CTH: variants seen among roughly 807,000 people sequenced by gnomAD.
The protein encoded by CTH is cystathionase (cystathionine gamma-lyase).
Under a neutral mutation model 50.6 loss-of-function variants are expected in CTH, and 41 were observed. The ratio of observed to expected loss-of-function variants is 0.81; its 90% confidence interval spans 0.63 to 1.05. The LOEUF (loss-of-function observed/expected upper bound fraction) is 1.05, where lower values mean the gene tolerates loss of function less well. CTH is among the 50% of genes least tolerant of loss of function. The probability of loss-of-function intolerance (pLI) is 0.00; values close to 1 mark genes in which losing one functional copy is unlikely to be tolerated. For synonymous variants in CTH, 156 were observed against 168.9 expected (o/e 0.92, Z 0.59); for missense variants, 470 against 492.6 (o/e 0.95, Z 0.43).
At chr1:70,415,485 T>C (rs1684070670) in intron 1 of CTH, among the ~76,000 whole-genome samples, 1 of 152,210 alleles carries the variant, frequency 6.6e-6, no homozygotes, top group Admixed American at 6.5e-5. Flanking sequence ...TTCTGTTGGC[T>C]CATGCAAGTC....
intron 1 of CTH, among the ~76,000 whole-genome samples, chr1:70,415,013 C>T (rs1204077203): frequency 6.6e-6 from 1 of 152,074 alleles, no homozygotes. Context: ...CCAGGAATTG[C>T]TCCCTATGCT....
chr1:70,412,780 T>G (rs1400857346), intron 1 of CTH, among the ~76,000 whole-genome samples: 1 of 152,188 alleles, frequency 6.6e-6, no homozygotes, highest in Non-Finnish European at 1.5e-5. Flanking sequence ...TGAGATGTAT[T>G]TAAGGCTGTA....
chr1:70,419,113 T>C (rs1161861953), intron 3 of CTH, among the ~76,000 whole-genome samples: 1 of 151,918 alleles, frequency 6.6e-6, no homozygotes, highest in Non-Finnish European at 1.5e-5. Context: ...CTGAGAATGA[T>C]AGTTTCCAGC....
intron 7 of CTH, among the ~76,000 whole-genome samples, chr1:70,431,756 G>T (rs530046977): frequency 1.3e-5 from 2 of 152,216 alleles, no homozygotes; most frequent in East Asian, 3.9e-4. Context: ...ATTTTTCAAA[G>T]AAATACAAGG....
At chr1:70,428,430 G>A (rs1216559470) in intron 5 of CTH, among the ~76,000 whole-genome samples, 2 of 152,090 alleles carry the variant, frequency 1.3e-5, no homozygotes, top group Non-Finnish European at 2.9e-5. Flanking sequence ...TTGAGATGAT[G>A]GGCATGCTAA....
rs1179719115 is a variant in CTH at position 70,439,131 on chromosome 1, T to A, written c.*4T>A. ...TCCAAGTGGAAGTCACAGCTAGTAT[T>A]CCAGAGCTGCTATTAGAAGCTGCTT... On this transcript the variant is annotated 3_prime_UTR_variant, in exon 12 of 12. Transcript: ENST00000370938. 2 of 1,611,100 alleles carry A rather than the reference T, an allele frequency of 1.2e-6. No individual in the cohort carries two copies. Among genetic ancestry groups the A allele is most frequent in the Admixed American group, 3.3e-5 (2 of 59,984 alleles).
chr1:70,421,744 T>G (rs746377975), intron 4 of CTH, 69 bp downstream of exon 4: 1 of 1,456,384 alleles, frequency 6.9e-7, no homozygotes, highest in Non-Finnish European at 9.6e-7. Context: ...TTCTGTTTAC[T>G]AGAGGATATA....
Position 70,429,684 on chromosome 1 carries a change from A to G in CTH, c.589-110A>G, listed in dbSNP as rs1263264080. The G allele has an allele frequency of 1.1e-5, 9 of 785,878 alleles. No individual in the cohort carries two copies. In the East Asian group the frequency reaches 2.1e-4, roughly 18 times the overall value. 48.7% of individuals were successfully genotyped at this position (785,878 alleles called of 1,614,324 possible). On this transcript the variant is annotated intron_variant, in intron 5 of 11. Transcript: ENST00000370938. ...AATTTTAAGATGCACATACTTTTGC[A>G]AAGTTAGTATTGATTAGAATAAGAA...
In CTH at chr1:70,433,912, C is replaced by G; in HGVS notation, c.962C>G (p.Thr321Ser). The change falls in exon 9 of 12, where the codon ACT (threonine) becomes AGT (serine). Residue 321 changes from threonine to serine, a missense_variant. By Grantham distance (58) the Thr-to-Ser change is moderately conservative. Coordinates refer to ENST00000370938, the MANE Select transcript of CTH (RefSeq NM_001902.6). ...TGMVTFYIKGTLQHAEIFLKN... is the reference protein window; with the variant it reads ...TGMVTFYIKGSLQHAEIFLKN... ...ATGGTCACCTTTTATATTAAGGGCACTCTTCAGCATGCTGAGATTTTCCTC... is the reference window on the plus strand; with the variant it reads ...ATGGTCACCTTTTATATTAAGGGCAGTCTTCAGCATGCTGAGATTTTCCTC... 1 of 1,614,100 alleles carries G rather than the reference C, an allele frequency of 6.2e-7. No individual in the cohort carries two copies. The highest frequency in any genetic ancestry group is 8.5e-7 in the Non-Finnish European group (1 of 1,179,982).
chr1:70,430,637 G>T (rs1355719331), intron 7 of CTH, among the ~76,000 whole-genome samples: 1 of 151,716 alleles, frequency 6.6e-6, no homozygotes, highest in African/African-American at 2.4e-5. Context: ...CACCTCCTGG[G>T]TTCAAGCGAT....
At position 70,433,910 on chromosome 1, in the gene CTH, C is replaced by A. The variant is rs776898308; in HGVS notation, c.960C>A (p.Gly320=). 2.5e-6 allele frequency: 4 copies of A among 1,614,064 alleles called. No individual in the cohort carries two copies. In the South Asian group the frequency reaches 3.3e-5, roughly 13 times the overall value. ...GGATGGTCACCTTTTATATTAAGGG[C>A]ACTCTTCAGCATGCTGAGATTTTCC... The part of the protein sequence containing the change: ...CTGMVTFYIK[G]TLQHAEIFLK... The change falls in exon 9 of 12, where the codon GGC becomes GGA. Residue 320 remains glycine, a synonymous_variant. Transcript: ENST00000370938.
chr1:70,434,819 C>G (rs1684560573), intron 9 of CTH: 2 of 236,592 alleles, frequency 8.5e-6, no homozygotes, highest in Admixed American at 1.1e-4. Flanking sequence ...GTGGCATGAT[C>G]TCGGCTCACT....
intron 1 of CTH, 144 bp downstream of exon 1, chr1:70,411,727 C>T: frequency 7.0e-7 from 1 of 1,419,230 alleles, no homozygotes; most frequent in African/African-American, 1.4e-5. Context: ...GTAATTCTTG[C>T]AGCACAGCTT....
intron 4 of CTH, among the ~76,000 whole-genome samples, chr1:70,422,965 C>G (rs918826081): frequency 6.6e-5 from 10 of 152,228 alleles, no homozygotes; most frequent in African/African-American, 2.2e-4. Flanking sequence ...TAAGTCTTGT[C>G]AACAGAATTT....
chr1:70,411,463 A>G lies in CTH; in HGVS notation c.48A>G (p.Gln16=). ...ASSQGFLPHF[Q]HFATQAIHVG... ...CACAAGGTTTCCTGCCACACTTCCA[A>G]CATTTCGCCACGCAGGCGATCCATG... is the stretch of plus-strand genomic sequence containing the variant. Residue 16 remains glutamine (Q), a synonymous_variant, in exon 1 of 12, where the codon CAA becomes CAG. Transcript: ENST00000370938. 1.2e-6 allele frequency: 2 copies of G among 1,614,022 alleles called. No individual in the cohort carries two copies. Among genetic ancestry groups the G allele is most frequent in the Non-Finnish European group, 1.7e-6 (2 of 1,179,996 alleles).
chr1:70,423,387 C>A (rs955575498), intron 4 of CTH, among the ~76,000 whole-genome samples: 2 of 150,618 alleles, frequency 1.3e-5, no homozygotes, highest in African/African-American at 4.9e-5. Context: ...TAGCGAGACC[C>A]TTTCTCTGCA....
At chr1:70,432,501 C>T (rs1297639204) in intron 8 of CTH, among the ~76,000 whole-genome samples, 3 of 152,038 alleles carry the variant, frequency 2.0e-5, no homozygotes, top group Non-Finnish European at 1.5e-5. Flanking sequence ...CTGTGGTGGT[C>T]TGTGATTTGA....
At position 70,439,398 on chromosome 1, in the gene CTH, G is replaced by A. The variant is rs1297162255; in HGVS notation, c.*271G>A. ...GGAGGTGAGATTTGTGCTACTTTGGGAGATTATGTTCTTTTTTCATGTCTA... is the reference window on the plus strand; with the variant it reads ...GGAGGTGAGATTTGTGCTACTTTGGAAGATTATGTTCTTTTTTCATGTCTA... On this transcript the variant is annotated 3_prime_UTR_variant, in exon 12 of 12. Transcript: ENST00000370938. The A allele has an allele frequency of 2.3e-6, 1 of 433,996 alleles. No individual in the cohort carries two copies. Among genetic ancestry groups the A allele is most frequent in the Non-Finnish European group, 4.1e-6 (1 of 243,088 alleles). 26.9% of individuals were successfully genotyped at this position (433,996 alleles called of 1,614,324 possible). A position where few individuals can be genotyped will look rare whatever the true frequency, so the allele number is the denominator to read the frequency against.
intron 5 of CTH, 84 bp from the exon 6 acceptor site, chr1:70,429,710 T>C (rs568962449): frequency 2.1e-6 from 2 of 965,920 alleles, no homozygotes; most frequent in South Asian, 2.7e-5. Context: ...AGAATAAGAA[T>C]GGAATTTATA....
Sources: allele counts gnomAD v4.1 joint callset (sites outside exome capture counted in the v4.1 genomes callset), GRCh38; gene constraint gnomAD v4.1.1; transcripts MANE v1.5; gene names NCBI Gene and HGNC (gene_info 2026-07-23, HGNC 2026-07-21).